IMPG2: variants seen among roughly 807,000 people sequenced by gnomAD.
The protein encoded by IMPG2 is interphotoreceptor matrix proteoglycan 2.
In IMPG2, 91 loss-of-function variants were observed where a neutral mutation model predicts 129.2. That is an observed-to-expected ratio of 0.70 (90% CI 0.59 to 0.84). The LOEUF (loss-of-function observed/expected upper bound fraction) is 0.84. Ranked by LOEUF, IMPG2 falls within the 40% of genes least tolerant of loss-of-function variation. The pLI, the probability that IMPG2 is intolerant of heterozygous loss-of-function variation, is 0.00. For synonymous variants in IMPG2, 510 were observed against 517.7 expected (o/e 0.99, Z 0.20); for missense variants, 1,430 against 1,461.7 (o/e 0.98, Z 0.35).
chr3:101,257,434 T>C, intron 10 of IMPG2, 95 bp downstream of exon 10: 1 of 1,456,124 alleles, frequency 6.9e-7, no homozygotes, highest in Non-Finnish European at 9.5e-7. Flanking sequence ...GTCTAGAGAA[T>C]GGTCAGAACC....
intron 2 of IMPG2, among the ~76,000 whole-genome samples, chr3:101,311,743 T>A (rs1707265111): frequency 6.6e-6 from 1 of 152,144 alleles, no homozygotes; most frequent in African/African-American, 2.4e-5. Flanking sequence ...GCAAGGGACC[T>A]AGAATAGCCA....
In IMPG2 at chr3:101,243,971, G is replaced by T. The variant is rs1706441131; in HGVS notation, c.2360C>A (p.Thr787Asn). Residue 787 changes from threonine (T) to asparagine (N), a missense_variant, in exon 13 of 19, where the codon ACT becomes AAT. Thr to Asn is a moderately conservative substitution (Grantham distance 65, BLOSUM62 0). Transcript: ENST00000193391. ...LPESERVWTRTSSLEKLSRDI... is the reference protein window; with the variant it reads ...LPESERVWTRNSSLEKLSRDI... ...TCTGGACAATTTCTCTAGGGAAGAA[G>T]TTCTTGTCCAAACTCTCTCTGATTC... 1 of 1,614,166 alleles carries T rather than the reference G, an allele frequency of 6.2e-7. No individual in the cohort carries two copies. The highest frequency in any genetic ancestry group is 8.5e-7 in the Non-Finnish European group (1 of 1,180,008).
intron 11 of IMPG2, among the ~76,000 whole-genome samples, chr3:101,247,807 T>C (rs1706498592): frequency 6.6e-6 from 1 of 152,184 alleles, no homozygotes; most frequent in Non-Finnish European, 1.5e-5. Flanking sequence ...ACTTCTTCAA[T>C]TGCTGAATGA....
intron 4 of IMPG2, among the ~76,000 whole-genome samples, chr3:101,283,570 A>C (rs989152567): frequency 6.6e-6 from 1 of 152,228 alleles, no homozygotes; most frequent in African/African-American, 2.4e-5. Flanking sequence ...ACATATATAC[A>C]GAGTATACAG....
intron 18 of IMPG2, 44 bp downstream of exon 18, chr3:101,228,753 G>C: frequency 6.8e-7 from 1 of 1,465,620 alleles, no homozygotes; most frequent in Non-Finnish European, 9.6e-7. Flanking sequence ...AGAGTAAACT[G>C]TTAAGTCTGT....
At chr3:101,294,601 T>G (rs751062349) in intron 3 of IMPG2, among the ~76,000 whole-genome samples, 94 of 152,356 alleles carry the variant, frequency 6.2e-4, no homozygotes, top group Non-Finnish European at 1.1e-3. Flanking sequence ...CATTTGGGTA[T>G]ATACCCAATA....
chr3:101,247,335 C>T (rs369037385), intron 11 of IMPG2, among the ~76,000 whole-genome samples: 20 of 152,108 alleles, frequency 1.3e-4, no homozygotes, highest in Non-Finnish European at 2.2e-4. Context: ...TGGTGGCTCA[C>T]GCCTGTAATC....
At chr3:101,256,146 AAAG>A (rs1391655801) in intron 10 of IMPG2, among the ~76,000 whole-genome samples, 126 of 19,946 alleles carry the variant, frequency 6.3e-3, no homozygotes, top group South Asian at 0.026. Context: ...GAAAGAAAGA[AAAG>A]AAAGAAAGAA....
At chr3:101,308,057 C>T (rs1267076675) in intron 2 of IMPG2, among the ~76,000 whole-genome samples, 2 of 152,254 alleles carry the variant, frequency 1.3e-5, no homozygotes, top group African/African-American at 4.8e-5. Context: ...ATCCATGTCA[C>T]ACTGATGTAA....
intron 5 of IMPG2, among the ~76,000 whole-genome samples, chr3:101,276,168 T>C (rs559410268): frequency 6.6e-6 from 1 of 152,332 alleles, no homozygotes; most frequent in Admixed American, 6.5e-5. Context: ...TGTAGATGTT[T>C]GAAATTTCTA....
chr3:101,258,371 G>A (rs758440402), intron 9 of IMPG2, among the ~76,000 whole-genome samples: 6 of 151,976 alleles, frequency 3.9e-5, no homozygotes, highest in Non-Finnish European at 5.9e-5. Context: ...ACAATTTACA[G>A]TTCTATAAAG....
At chr3:101,227,324 GAGC>G (rs1706235591) in intron 18 of IMPG2, among the ~76,000 whole-genome samples, 1 of 152,204 alleles carries the variant, frequency 6.6e-6, no homozygotes, top group Non-Finnish European at 1.5e-5. Context: ...TAAGGTTACA[GAGC>G]CTGTGTATAC....
intron 4 of IMPG2, among the ~76,000 whole-genome samples, chr3:101,291,030 CAG>C (rs1398790107): frequency 2.6e-5 from 4 of 152,166 alleles, no homozygotes; most frequent in African/African-American, 9.7e-5. Context: ...CCACAGTGAA[CAG>C]AGTCAAGAAT....
At chr3:101,246,477 T>C (rs1576749498) in intron 11 of IMPG2, among the ~76,000 whole-genome samples, 1 of 152,236 alleles carries the variant, frequency 6.6e-6, no homozygotes, top group African/African-American at 2.4e-5. Flanking sequence ...CTGTAACTTG[T>C]TGGCAAAGAT....
chr3:101,291,450 C>T, intron 4 of IMPG2, 29 bp downstream of exon 4: 1 of 1,599,364 alleles, frequency 6.3e-7, no homozygotes, highest in Non-Finnish European at 8.6e-7. Context: ...TGTTGCCAAA[C>T]ATGAATTTTG....
At chr3:101,271,991 T>C (rs1706787895) in intron 7 of IMPG2, among the ~76,000 whole-genome samples, 1 of 152,104 alleles carries the variant, frequency 6.6e-6, no homozygotes, top group South Asian at 2.1e-4. Context: ...GGAACTGCCC[T>C]CAGGCACCAA....
intron 4 of IMPG2, among the ~76,000 whole-genome samples, chr3:101,286,976 G>T (rs1706952230): frequency 1.3e-5 from 2 of 152,162 alleles, no homozygotes; most frequent in Admixed American, 6.5e-5. Context: ...TGAATGAGGT[G>T]CACTGTGATC....
At position 101,246,065 on chromosome 3, in the gene IMPG2, G is replaced by C. The variant is rs1375971711; in HGVS notation, c.1280C>G (p.Ser427Cys). Residue 427 changes from serine to cysteine, a missense_variant, in exon 12 of 19, where the codon TCC becomes TGC. Physicochemically the swap from Ser to Cys is moderately radical, Grantham distance 112 (BLOSUM62 -1). Transcript: ENST00000193391. ...FQAAWPSADE[S>C]ITSSIPPLDF... ...AAGTGGTGGAATACTGCTGGTGATG[G>C]ATTCATCTGCTGAGGGCCATGCAGC... The C allele has an allele frequency of 6.2e-7, 1 of 1,614,124 alleles. No homozygotes were observed. The highest frequency in any genetic ancestry group is 1.7e-5 in the Admixed American group (1 of 60,006).
In IMPG2 at chr3:101,243,852, G is replaced by A. The variant is rs963110202; in HGVS notation, c.2479C>T (p.Leu827=). 2 of 1,614,024 alleles carry A rather than the reference G, an allele frequency of 1.2e-6. No individual in the cohort carries two copies. Among genetic ancestry groups the A allele is most frequent in the African/African-American group, 1.3e-5 (1 of 74,934 alleles). The change falls in exon 13 of 19, where the codon CTA becomes TTA. Residue 827 remains leucine, a synonymous_variant. Transcript: ENST00000193391. ...ACACCCATAATTACTTCATCCTCTA[G>A]CAGGGTGGAGATTGTGGTTGGAGGC... ...KLPPTTISTL[L]EDEVIMGVQD...
Sources: allele counts gnomAD v4.1 joint callset (sites outside exome capture counted in the v4.1 genomes callset), GRCh38; gene constraint gnomAD v4.1.1; transcripts MANE v1.5; gene names NCBI Gene and HGNC (gene_info 2026-07-23, HGNC 2026-07-21).